The following PPP2R2D variants were observed in gnomAD, a reference collection of about 807,000 sequenced individuals.
PPP2R2D encodes the protein serine/threonine-protein phosphatase 2A 55 kDa regulatory subunit B delta isoform.
In PPP2R2D, 9 loss-of-function variants were observed where a neutral mutation model predicts 31.1. That is an observed-to-expected ratio of 0.29 (90% CI 0.17 to 0.51). The LOEUF is 0.51. PPP2R2D is among the 20% of genes least tolerant of loss of function. The pLI, the probability that PPP2R2D is intolerant of heterozygous loss-of-function variation, is 0.98. For missense variants in PPP2R2D, 391 were observed against 465.6 expected (o/e 0.84, Z 1.48); for synonymous variants, 179 against 172.6 (o/e 1.04, Z -0.29).
At chr10:131,916,806 TTGTA>T (rs1292919212) in intron 2 of PPP2R2D, among the ~76,000 whole-genome samples, 70 of 76,384 alleles carry the variant, frequency 9.2e-4, no homozygotes, top group African/African-American at 3.3e-3. Flanking sequence ...GACACAGTGT[TTGTA>T]GGGACCTCAG....
intron 5 of PPP2R2D, 71 bp from the exon 6 acceptor site, chr10:131,943,897 T>C: frequency 2.9e-6 from 2 of 699,526 alleles, no homozygotes; most frequent in Non-Finnish European, 5.2e-6. Flanking sequence ...TCTTTCGTTA[T>C]CTACTATAAG....
Position 131,924,695 on chromosome 10 carries a change from CAAAA to C in PPP2R2D, c.101-9753_101-9750del, listed in dbSNP as rs34819032. ...TCTAGAATTAGTTTGGCAATTTTTG[CAAAA>C]AAAAAAAAAGGCAGCTGGGATTTTC... is the stretch of plus-strand genomic sequence containing the variant. On this transcript the variant is annotated intron_variant, in intron 2 of 8. Coordinates refer to ENST00000455566, the MANE Select transcript of PPP2R2D (RefSeq NM_018461.5). 2.2e-3 allele frequency among the ~76,000 whole-genome samples: 253 copies of C among 113,288 alleles called. 1 individual carries two copies. Among genetic ancestry groups the C allele is most frequent in the Admixed American group, 4.5e-3 (50 of 10,996 alleles). The allele number at this position is 113,288 out of a possible 152,430, so 74.3% of individuals were successfully genotyped here.
At chr10:131,934,269 G>A (rs1264040809) in intron 2 of PPP2R2D, among the ~76,000 whole-genome samples, 189 bp from the exon 3 acceptor site, 2 of 152,136 alleles carry the variant, frequency 1.3e-5, no homozygotes, top group Non-Finnish European at 2.9e-5. Flanking sequence ...ACCTGTGCCG[G>A]CAGGTTCTCT....
chr10:131,929,208 C>T (rs2036163436), intron 2 of PPP2R2D, among the ~76,000 whole-genome samples: 1 of 152,214 alleles, frequency 6.6e-6, no homozygotes, highest in African/African-American at 2.4e-5. Context: ...CTCAGGCGCC[C>T]CCTCCTGATC....
intron 2 of PPP2R2D, among the ~76,000 whole-genome samples, chr10:131,923,870 C>A (rs1160693152): frequency 2.0e-5 from 3 of 152,162 alleles, no homozygotes; most frequent in Non-Finnish European, 4.4e-5. Context: ...GATTCTCCTG[C>A]CTCAGCCTCC....
chr10:131,944,679 G>A (rs1189151699), intron 6 of PPP2R2D, among the ~76,000 whole-genome samples: 1 of 152,164 alleles, frequency 6.6e-6, no homozygotes, highest in Non-Finnish European at 1.5e-5. Flanking sequence ...TCCTCCCTCT[G>A]CTGTCCAGTG....
chr10:131,965,307 G>C, the PPP2R2D span, among the ~76,000 whole-genome samples: 2 of 152,176 alleles, frequency 1.3e-5, no homozygotes, highest in Non-Finnish European at 1.5e-5. Context: ...GACAGGAAGT[G>C]GCGGCTGCCG....
chr10:131,918,234 A>G (rs1420170608), intron 2 of PPP2R2D, among the ~76,000 whole-genome samples: 6 of 148,368 alleles, frequency 4.0e-5, no homozygotes, highest in African/African-American at 1.5e-4. Context: ...CAGTGTTTGT[A>G]GGGACCTCAG....
At chr10:131,918,056 T>G (rs1169690773) in intron 2 of PPP2R2D, among the ~76,000 whole-genome samples, 18 of 54,694 alleles carry the variant, frequency 3.3e-4, no homozygotes, top group South Asian at 1.3e-3. Flanking sequence ...GACACAGTGT[T>G]TGTAGGGACC....
At chr10:131,904,002 G>C (rs2035542608) in intron 2 of PPP2R2D, among the ~76,000 whole-genome samples, 1 of 152,120 alleles carries the variant, frequency 6.6e-6, no homozygotes, top group African/African-American at 2.4e-5. Flanking sequence ...TCAGGAGTTT[G>C]AGACTAGCCT....
intron 2 of PPP2R2D, among the ~76,000 whole-genome samples, chr10:131,919,994 GAC>G (rs72134828): frequency 0.26 from 35,700 of 139,014 alleles, 5,204 homozygotes; most frequent in East Asian, 0.42. Flanking sequence ...CGGGTGGAAT[GAC>G]ACAGTGTTTG....
rs542780604 is a variant in PPP2R2D at position 131,932,378 on chromosome 10, G to A, written c.101-2080G>A. On this transcript the variant is annotated intron_variant, in intron 2 of 8. Coordinates refer to ENST00000455566, the MANE Select transcript of PPP2R2D (RefSeq NM_018461.5). ...CGCAGCCATGGTGAAGTTTATGGTAGTTTAAAATACCTAACTCACTTTGGG... is the reference window on the plus strand; with the variant it reads ...CGCAGCCATGGTGAAGTTTATGGTAATTTAAAATACCTAACTCACTTTGGG... 1.7e-4 allele frequency among the ~76,000 whole-genome samples: 26 copies of A among 152,248 alleles called. No individual in the cohort carries two copies. The South Asian group carries it at 5.2e-3, about 30-fold the overall frequency.
At chr10:131,914,209 G>A (rs1255475382) in intron 2 of PPP2R2D, among the ~76,000 whole-genome samples, 1 of 152,186 alleles carries the variant, frequency 6.6e-6, no homozygotes, top group East Asian at 1.9e-4. Context: ...TGGTATTAAT[G>A]AGCAAAGATA....
downstream of PPP2R2D, among the ~76,000 whole-genome samples, chr10:131,963,972 A>AT (rs35186266): frequency 1.3e-5 from 2 of 151,974 alleles, no homozygotes; most frequent in East Asian, 3.9e-4. Context: ...CCCACGTTGT[A>AT]TTTCGTTGTC....
At chr10:131,905,081 C>G (rs1487782367) in intron 2 of PPP2R2D, among the ~76,000 whole-genome samples, 1 of 151,788 alleles carries the variant, frequency 6.6e-6, no homozygotes, top group African/African-American at 2.4e-5. Flanking sequence ...CATCCCCCTG[C>G]AGGTAGGAGT....
At chr10:131,967,021 C>T in the PPP2R2D span, 546 of 152,118 alleles carry the variant, frequency 3.6e-3, 3 homozygotes, top group Middle Eastern at 0.017. Context: ...GCTGGGATTA[C>T]AGGCACGTGC....
intron 2 of PPP2R2D, among the ~76,000 whole-genome samples, chr10:131,910,753 G>A (rs1237721542): frequency 3.3e-5 from 5 of 152,204 alleles, no homozygotes; most frequent in Non-Finnish European, 5.9e-5. Flanking sequence ...CTTCAGAACA[G>A]GGGCTGGTCA....
chr10:131,913,802 A>G (rs1266228729), intron 2 of PPP2R2D, among the ~76,000 whole-genome samples: 1 of 152,222 alleles, frequency 6.6e-6, no homozygotes, highest in Non-Finnish European at 1.5e-5. Context: ...AGGGGCAACC[A>G]TGAAAACAGG....
intron 2 of PPP2R2D, among the ~76,000 whole-genome samples, chr10:131,928,034 T>C (rs1344784689): frequency 6.6e-6 from 1 of 152,194 alleles, no homozygotes; most frequent in East Asian, 1.9e-4. Context: ...GCTGTACCCA[T>C]GTTTGCTCCA....
Sources: gnomAD v4.1 joint callset for allele counts (sites outside exome capture counted in the v4.1 genomes callset) on GRCh38, gnomAD v4.1.1 for gene constraint, MANE v1.5 for transcripts, NCBI Gene and HGNC (gene_info 2026-07-23, HGNC 2026-07-21) for gene names.